MEF2A: variants seen among roughly 807,000 people sequenced by gnomAD.
The protein encoded by MEF2A is myocyte enhancer factor 2A.
Under a neutral mutation model 55.8 loss-of-function variants are expected in MEF2A, and 28 were observed. That is an observed-to-expected ratio of 0.50 (90% CI 0.37 to 0.69). The LOEUF is 0.69. Among genes scored for constraint, MEF2A ranks in the 30% least tolerant of loss-of-function variants. MEF2A has a pLI of 0.00. For missense variants in MEF2A, 528 were observed against 626.2 expected, an observed-to-expected ratio of 0.84 and a Z score of 1.67; for synonymous variants, 239 against 227.1, an observed-to-expected ratio of 1.05 and a Z score of -0.47.
At chr15:99,594,089 T>C (rs965087406) in intron 1 of MEF2A, among the ~76,000 whole-genome samples, 1 of 152,232 alleles carries the variant, frequency 6.6e-6, no homozygotes, top group Non-Finnish European at 1.5e-5. Flanking sequence ...ACTATCTACC[T>C]GGAGATGGCA....
chr15:99,582,043 G>A (rs1275139538), intron 1 of MEF2A, among the ~76,000 whole-genome samples: 1 of 151,928 alleles, frequency 6.6e-6, no homozygotes, highest in African/African-American at 2.4e-5. Flanking sequence ...CCGCTGGAAT[G>A]TTCAACAGTT....
chr15:99,677,317 A>G (rs1332019430), intron 7 of MEF2A, among the ~76,000 whole-genome samples: 2 of 152,090 alleles, frequency 1.3e-5, no homozygotes, highest in African/African-American at 4.8e-5. Context: ...TGACTTTAAT[A>G]TAACAGTGTT....
intron 7 of MEF2A, chr15:99,681,948 G>A (rs1347107711): frequency 1.3e-5 from 2 of 152,188 alleles, no homozygotes; most frequent in African/African-American, 4.8e-5. Context: ...ATAACTGTTA[G>A]AATGTATTTT....
chr15:99,633,900 C>A (rs910095061), intron 3 of MEF2A, among the ~76,000 whole-genome samples: 1 of 152,138 alleles, frequency 6.6e-6, no homozygotes, highest in East Asian at 1.9e-4. Flanking sequence ...TGGCTGCTTT[C>A]GCATTATAAC....
intron 4 of MEF2A, among the ~76,000 whole-genome samples, chr15:99,670,527 A>G (rs1175549068): frequency 2.0e-5 from 3 of 151,990 alleles, no homozygotes; most frequent in Admixed American, 6.6e-5. Context: ...GGAGAATGGC[A>G]TGAACCCAGG....
intron 8 of MEF2A, among the ~76,000 whole-genome samples, chr15:99,695,902 TTAAATA>T (rs1360459391): frequency 2.0e-5 from 3 of 151,180 alleles, no homozygotes; most frequent in African/African-American, 4.9e-5. Flanking sequence ...GAAATCCACT[TTAAATA>T]TAAAGACATA....
Position 99,645,635 on chromosome 15 carries a change from A to C in MEF2A, c.129A>C (p.Ile43=). The C allele has an allele frequency of 6.2e-7, 1 of 1,613,802 alleles. No individual in the cohort carries two copies. The highest frequency in any genetic ancestry group is 1.7e-5 in the Admixed American group (1 of 60,028). Residue 43 remains isoleucine (I), a synonymous_variant, in exon 4 of 12, where the codon ATA becomes ATC. Transcript: ENST00000557942. ...TTAGTGTGCTCTGTGACTGTGAAAT[A>C]GCACTCATCATTTTCAACAGCTCTA... is the stretch of plus-strand genomic sequence containing the variant. The part of the protein sequence containing the change: ...YELSVLCDCE[I]ALIIFNSSNK...
intron 1 of MEF2A, among the ~76,000 whole-genome samples, chr15:99,586,689 T>C (rs1031825352): frequency 2.6e-5 from 4 of 152,178 alleles, no homozygotes; most frequent in African/African-American, 7.2e-5. Flanking sequence ...TTCTCCCTTA[T>C]GGATACCTGC....
chr15:99,630,109 G>A (rs2042716462), intron 2 of MEF2A, among the ~76,000 whole-genome samples: 1 of 150,978 alleles, frequency 6.6e-6, no homozygotes, highest in East Asian at 2.0e-4. Context: ...GATTGATAGA[G>A]CTTCTTGAAT....
chr15:99,714,486 C>T lies in MEF2A; in HGVS notation c.*1715C>T, dbSNP rs2058962789. The stretch of plus-strand genomic sequence containing the variant: ...AGCTCTTCTGCACATTGCAGTGATG[C>T]TTTGGTATGCGGGGAGAAACACTCT... On this transcript the variant is annotated 3_prime_UTR_variant, in exon 12 of 12. Coordinates refer to ENST00000557942, the MANE Select transcript of MEF2A (RefSeq NM_001319206.4). 2 of 152,108 alleles carry T rather than the reference C, an allele frequency of 1.3e-5. No individual in the cohort carries two copies. The highest frequency in any genetic ancestry group is 4.8e-5 in the African/African-American group (2 of 41,410). The allele number at this position is 152,108 out of a possible 1,614,324, so 9.4% of individuals were successfully genotyped here.
At position 99,635,621 on chromosome 15, in the gene MEF2A, G is replaced by T. The variant is rs58378400; in HGVS notation, c.54+2448G>T. 1.8e-3 allele frequency among the ~76,000 whole-genome samples: 269 copies of T among 152,102 alleles called. 5 individuals are homozygous for T. The East Asian group carries it at 0.029, about 16-fold the overall frequency. ...GTTGTTTCCCCCTGCCCCAAGGAAG[G>T]TCATTATCCTGACTTCTAACACTAT... is the stretch of plus-strand genomic sequence containing the variant. On this transcript the variant is annotated intron_variant, in intron 3 of 11. Coordinates refer to ENST00000557942, the MANE Select transcript of MEF2A (RefSeq NM_001319206.4).
At chr15:99,572,959 A>G (rs1361840517) in intron 1 of MEF2A, among the ~76,000 whole-genome samples, 4 of 152,242 alleles carry the variant, frequency 2.6e-5, no homozygotes, top group South Asian at 2.1e-4. Flanking sequence ...TATAGTAGAT[A>G]TAGTGAATTC....
intron 8 of MEF2A, among the ~76,000 whole-genome samples, chr15:99,699,798 A>G (rs2057092629): frequency 6.6e-6 from 1 of 152,260 alleles, no homozygotes; most frequent in South Asian, 2.1e-4. Flanking sequence ...AAATAAATAT[A>G]AAATGTAAAT....
chr15:99,628,389 T>C (rs2042377350), intron 2 of MEF2A, among the ~76,000 whole-genome samples: 1 of 152,198 alleles, frequency 6.6e-6, no homozygotes, highest in African/African-American at 2.4e-5. Context: ...AAAATCCACT[T>C]CTATTATCTT....
chr15:99,598,967 A>G (rs1032165787), intron 2 of MEF2A, among the ~76,000 whole-genome samples: 1 of 152,130 alleles, frequency 6.6e-6, no homozygotes, highest in African/African-American at 2.4e-5. Flanking sequence ...AAATAGAAAA[A>G]GCAAATTTTA....
chr15:99,636,363 T>G (rs1488471886), intron 3 of MEF2A, among the ~76,000 whole-genome samples: 4 of 152,328 alleles, frequency 2.6e-5, no homozygotes, highest in African/African-American at 9.6e-5. Flanking sequence ...AATTTTATTT[T>G]AGAGACAGGG....
chr15:99,679,842 C>T (rs964152889), intron 7 of MEF2A, among the ~76,000 whole-genome samples: 3 of 152,128 alleles, frequency 2.0e-5, no homozygotes, highest in Admixed American at 6.5e-5. Context: ...AATATAAAGG[C>T]ACTTTTTAAA....
chr15:99,697,095 TAATA>T (rs2056595265), intron 8 of MEF2A, among the ~76,000 whole-genome samples: 1 of 152,000 alleles, frequency 6.6e-6, no homozygotes, highest in Non-Finnish European at 1.5e-5. Flanking sequence ...GAAAGGAACT[TAATA>T]AAGAGCATCT....
At chr15:99,570,742 C>T (rs1961839817) in intron 1 of MEF2A, among the ~76,000 whole-genome samples, 1 of 151,948 alleles carries the variant, frequency 6.6e-6, no homozygotes, top group Non-Finnish European at 1.5e-5. Context: ...CCTTAGCTGT[C>T]CATCTTCTAC....
Sources: allele counts gnomAD v4.1 joint callset (sites outside exome capture counted in the v4.1 genomes callset), GRCh38; gene constraint gnomAD v4.1.1; transcripts MANE v1.5; gene names NCBI Gene and HGNC (gene_info 2026-07-23, HGNC 2026-07-21).